Variants in MTREX observed in about 807,000 individuals in gnomAD.
The protein encoded by MTREX is exosome RNA helicase MTR4.
MTREX carries 76 observed loss-of-function variants against 135.4 expected under a neutral mutation model. That is an observed-to-expected ratio of 0.56 (90% CI 0.47 to 0.68). MTREX has a LOEUF of 0.68. Among genes scored for constraint, MTREX ranks in the 30% least tolerant of loss-of-function variants. The probability of loss-of-function intolerance (pLI) is 0.00; values close to 1 mark genes in which losing one functional copy is unlikely to be tolerated. For missense variants in MTREX, 920 were observed against 1,262.1 expected (o/e 0.73, Z 4.11); for synonymous variants, 404 against 401.6 (o/e 1.01, Z -0.07).
intron 11 of MTREX, among the ~76,000 whole-genome samples, chr5:55,348,180 T>A: frequency 6.6e-6 from 1 of 152,142 alleles, no homozygotes. Flanking sequence ...GTGAGGGCCT[T>A]TTTTGTCGTG....
intron 6 of MTREX, 109 bp from the exon 7 acceptor site, chr5:55,341,572 C>T: frequency 1.7e-5 from 9 of 533,444 alleles, no homozygotes; most frequent in Admixed American, 3.6e-5. Flanking sequence ...TTAATATTTC[C>T]ATTTAATAAA....
chr5:55,346,425 C>T (rs1749734444), intron 10 of MTREX, among the ~76,000 whole-genome samples: 1 of 152,130 alleles, frequency 6.6e-6, no homozygotes. Flanking sequence ...GTATTTTGCC[C>T]TGATTTCCCA....
chr5:55,323,196 TATA>T (rs1241474314), intron 2 of MTREX, among the ~76,000 whole-genome samples: 1 of 152,224 alleles, frequency 6.6e-6, no homozygotes, highest in East Asian at 1.9e-4. Flanking sequence ...CCCAGGCTAC[TATA>T]ATAAGTTACA....
intron 16 of MTREX, among the ~76,000 whole-genome samples, chr5:55,369,329 C>G (rs572857902): frequency 6.6e-6 from 1 of 152,276 alleles, no homozygotes; most frequent in African/African-American, 2.4e-5. Flanking sequence ...TCCTCCTAAG[C>G]AGTTAGCACA....
intron 5 of MTREX, among the ~76,000 whole-genome samples, chr5:55,332,087 A>G (rs1441409902): frequency 6.6e-6 from 1 of 152,158 alleles, no homozygotes; most frequent in African/African-American, 2.4e-5. Flanking sequence ...TACTCAAAGT[A>G]TAGTCCTTGA....
At chr5:55,419,993 C>T (rs1419167387) in intron 25 of MTREX, among the ~76,000 whole-genome samples, 1 of 152,124 alleles carries the variant, frequency 6.6e-6, no homozygotes, top group African/African-American at 2.4e-5. Context: ...AATAGAGTAA[C>T]AATTTATTAG....
chr5:55,382,596 TTA>T (rs1750414286), intron 18 of MTREX, among the ~76,000 whole-genome samples: 1 of 152,152 alleles, frequency 6.6e-6, no homozygotes, highest in African/African-American at 2.4e-5. Context: ...TGAAAATTTT[TTA>T]TTACTTTTTG....
chr5:55,371,077 C>CT (rs536063708), intron 16 of MTREX, among the ~76,000 whole-genome samples: 399 of 152,198 alleles, frequency 2.6e-3, no homozygotes, highest in Non-Finnish European at 4.5e-3. Flanking sequence ...TAATCTTAGT[C>CT]TTTTTATTTA....
At chr5:55,352,037 T>C (rs1749838333) in intron 13 of MTREX, among the ~76,000 whole-genome samples, 1 of 151,676 alleles carries the variant, frequency 6.6e-6, no homozygotes, top group Admixed American at 6.6e-5. Flanking sequence ...TTTTGTTTTG[T>C]TTTGTTTTGT....
chr5:55,315,196 ATT>A (rs1749179315), intron 1 of MTREX, among the ~76,000 whole-genome samples: 1 of 152,176 alleles, frequency 6.6e-6, no homozygotes, highest in East Asian at 1.9e-4. Context: ...ATTCGTGTTA[ATT>A]TATATTTCTT....
rs776741668 is a variant in MTREX, at chr5:55,425,563, TAA to T, written c.*794_*795del. 14 of 464,694 alleles carry T rather than the reference TAA, an allele frequency of 3.0e-5. No homozygotes were observed. Among genetic ancestry groups the T allele is most frequent in the East Asian group, 2.5e-4 (7 of 27,678 alleles). The allele number at this position is 464,694 out of a possible 1,614,324, so 28.8% of individuals were successfully genotyped here. On this transcript the variant is annotated 3_prime_UTR_variant, in exon 27 of 27. Transcript: ENST00000230640. ...ATAGCTTCATTTTGCCAATACTGAA[TAA>T]AAGAGTTATTTCTACATGTGAATTA...
At chr5:55,344,020 T>G (rs1749691900) in intron 8 of MTREX, among the ~76,000 whole-genome samples, 1 of 152,194 alleles carries the variant, frequency 6.6e-6, no homozygotes, top group Admixed American at 6.5e-5. Flanking sequence ...TCTCATGAAC[T>G]TATCTGTTTA....
chr5:55,344,373 G>C, intron 8 of MTREX, 149 bp from the exon 9 acceptor site: 1 of 583,286 alleles, frequency 1.7e-6, no homozygotes, highest in Non-Finnish European at 3.0e-6. Context: ...TTTTTCTCTT[G>C]CCTGGGTTTT....
At chr5:55,325,551 T>G (rs2112036003) in intron 3 of MTREX, among the ~76,000 whole-genome samples, 1 of 151,782 alleles carries the variant, frequency 6.6e-6, no homozygotes, top group East Asian at 1.9e-4. Context: ...GGTTTCACCA[T>G]GTTGGTCAGG....
At chr5:55,349,530 C>G (rs1186084634) in intron 11 of MTREX, 43 bp from the exon 12 acceptor site, 2 of 1,044,642 alleles carry the variant, frequency 1.9e-6, no homozygotes, top group African/African-American at 3.2e-5. Context: ...TTTGGTATCA[C>G]TAACTCATTT....
chr5:55,385,405 A>T lies in MTREX; in HGVS notation c.2053-2569A>T, dbSNP rs116751688. On this transcript the variant is annotated intron_variant, in intron 18 of 26. Transcript: ENST00000230640. The stretch of plus-strand genomic sequence containing the variant: ...CTCTACCTTTCAGCCTTACTTGCAG[A>T]GGACTTAGCAGCAGCAACAGGTAGG... 2.8e-3 allele frequency among the ~76,000 whole-genome samples: 433 copies of T among 152,268 alleles called. 1 individual carries two copies. Among genetic ancestry groups the T allele is most frequent in the African/African-American group, 1.0e-2 (414 of 41,560 alleles).
chr5:55,415,413 GT>G (rs1750951989), intron 24 of MTREX, among the ~76,000 whole-genome samples: 1 of 152,126 alleles, frequency 6.6e-6, no homozygotes, highest in African/African-American at 2.4e-5. Context: ...TAAAAGGCCA[GT>G]TCAGTGGAAC....
At chr5:55,420,777 A>C (rs563911467) in intron 25 of MTREX, among the ~76,000 whole-genome samples, 2 of 152,146 alleles carry the variant, frequency 1.3e-5, no homozygotes, top group Non-Finnish European at 2.9e-5. Flanking sequence ...CTAAAATTAG[A>C]TAATGATGAT....
At chr5:55,404,549 TTTCCCTG>T (rs1750771431) in intron 21 of MTREX, among the ~76,000 whole-genome samples, 1 of 152,176 alleles carries the variant, frequency 6.6e-6, no homozygotes, top group South Asian at 2.1e-4. Context: ...CTCATTTTTC[TTTCCCTG>T]TTCTCTAAGC....
Sources: gnomAD v4.1 joint callset for allele counts (sites outside exome capture counted in the v4.1 genomes callset) on GRCh38, gnomAD v4.1.1 for gene constraint, MANE v1.5 for transcripts, NCBI Gene and HGNC (gene_info 2026-07-23, HGNC 2026-07-21) for gene names.